Variants in SAMSN1 observed in about 807,000 individuals in gnomAD.
The protein encoded by SAMSN1 is SAM domain-containing protein SAMSN-1.
A neutral mutation model predicts 42.0 loss-of-function variants in SAMSN1; 31 were observed. The observed-to-expected ratio is 0.74, with a 90% CI of 0.55 to 1.00. SAMSN1 has a LOEUF of 1.00. Among genes scored for constraint, SAMSN1 ranks in the 50% least tolerant of loss-of-function variants. SAMSN1 has a pLI of 0.00. For missense variants in SAMSN1, 464 were observed against 439.4 expected (o/e 1.06, Z -0.50); for synonymous variants, 178 against 151.9 (o/e 1.17, Z -1.26).
chr21:14,512,747 T>C (rs577968695), intron 3 of SAMSN1, among the ~76,000 whole-genome samples, 174 bp from the exon 4 acceptor site: 11 of 152,330 alleles, frequency 7.2e-5, no homozygotes, highest in African/African-American at 2.6e-4. Context: ...CCTTTCACAA[T>C]ATACTTGGAA....
intron 5 of SAMSN1, among the ~76,000 whole-genome samples, chr21:14,604,321 C>A (rs1982511475): frequency 6.6e-6 from 1 of 152,104 alleles, no homozygotes; most frequent in South Asian, 2.1e-4. Context: ...GAAATGGAGT[C>A]TAATTCTTCT....
intron 5 of SAMSN1, among the ~76,000 whole-genome samples, chr21:14,502,644 G>A (rs1263910845): frequency 6.6e-6 from 1 of 152,176 alleles, no homozygotes; most frequent in Admixed American, 6.5e-5. Flanking sequence ...ACTATCCTGA[G>A]TCAAACTGTG....
chr21:14,640,262 A>G (rs1983561913), intron 2 of SAMSN1, among the ~76,000 whole-genome samples: 1 of 152,182 alleles, frequency 6.6e-6, no homozygotes. Flanking sequence ...GTGGCAACTG[A>G]CATTATTTTT....
chr21:14,570,164 G>T (rs118187184), intron 2 of SAMSN1, among the ~76,000 whole-genome samples: 2,775 of 152,158 alleles, frequency 0.018, 45 homozygotes, highest in Non-Finnish European at 0.028. Flanking sequence ...TCAGAATGCC[G>T]CAAATCCATT....
chr21:14,625,934 T>C (rs955034821), intron 2 of SAMSN1, among the ~76,000 whole-genome samples: 2 of 152,164 alleles, frequency 1.3e-5, no homozygotes, highest in Non-Finnish European at 2.9e-5. Flanking sequence ...AACAGAGATA[T>C]AGACCAATGG....
At position 14,620,397 on chromosome 21, in the gene SAMSN1, A is replaced by C; in HGVS notation, c.157-4381T>G. Among the ~76,000 whole-genome samples the C allele has an allele frequency of 1.3e-5, 2 of 152,184 alleles. 1 individual carries two copies. Among genetic ancestry groups the C allele is most frequent in the East Asian group, 3.9e-4 (2 of 5,192 alleles). On this transcript the variant is annotated intron_variant, in intron 2 of 15. Coordinates refer to the SAMSN1 transcript ENST00000647101. The stretch of plus-strand genomic sequence containing the variant: ...ACTCTCTCCTGCCACCATGTGAAGA[A>C]GGTACATTCTGCCTACTTCCCCTTC...
chr21:14,637,436 AAC>A (rs1190083708), intron 2 of SAMSN1, among the ~76,000 whole-genome samples: 4 of 152,178 alleles, frequency 2.6e-5, no homozygotes, highest in Non-Finnish European at 5.9e-5. Context: ...CTCTTTTTAA[AAC>A]AGTTTATTTT....
intron 1 of SAMSN1, among the ~76,000 whole-genome samples, chr21:14,534,280 T>C (rs2123107769): frequency 6.6e-6 from 1 of 152,292 alleles, no homozygotes; most frequent in South Asian, 2.1e-4. Context: ...GCCAAAGTGT[T>C]ATAAAAAGCA....
chr21:14,577,765 C>G (rs532928600), intron 2 of SAMSN1, among the ~76,000 whole-genome samples: 1 of 152,322 alleles, frequency 6.6e-6, no homozygotes, highest in Admixed American at 6.5e-5. Context: ...CACCACTCAT[C>G]TCAGATGTTA....
exon 6 of SAMSN1, chr21:14,602,086 A>G (rs61745082): frequency 0.016 from 10,696 of 682,882 alleles, 221 homozygotes; most frequent in South Asian, 0.059. Flanking sequence ...TTAGAAAATC[A>G]TCTTCATTTA....
intron 2 of SAMSN1, among the ~76,000 whole-genome samples, chr21:14,562,299 C>G (rs1980971079): frequency 6.6e-6 from 1 of 152,174 alleles, no homozygotes; most frequent in Non-Finnish European, 1.5e-5. Context: ...TTGTTGATCA[C>G]TAAACTTCCT....
chr21:14,508,166 G>A (rs151055459), intron 5 of SAMSN1, among the ~76,000 whole-genome samples: 4 of 152,102 alleles, frequency 2.6e-5, no homozygotes, highest in African/African-American at 9.7e-5. Context: ...TCATGACCAA[G>A]AACACAAAAG....
At chr21:14,546,723 T>G (rs565218327), upstream of SAMSN1, among the ~76,000 whole-genome samples, 12 of 152,226 alleles carry the variant, frequency 7.9e-5, no homozygotes, top group South Asian at 2.5e-3. Flanking sequence ...ATTTTTTCTT[T>G]TTTTGATACG....
chr21:14,515,003 A>G (rs1987842740), intron 3 of SAMSN1, among the ~76,000 whole-genome samples: 1 of 152,184 alleles, frequency 6.6e-6, no homozygotes, highest in South Asian at 2.1e-4. Flanking sequence ...TCAAGGGATG[A>G]GAAAGAAAGC....
At chr21:14,495,262 A>G (rs1254536834) in intron 7 of SAMSN1, among the ~76,000 whole-genome samples, 1 of 152,224 alleles carries the variant, frequency 6.6e-6, no homozygotes, top group East Asian at 1.9e-4. Context: ...GCATGGTTGT[A>G]GGAGATATGA....
intron 2 of SAMSN1, among the ~76,000 whole-genome samples, chr21:14,641,174 C>T (rs1983589926): frequency 2.0e-5 from 3 of 151,866 alleles, no homozygotes; most frequent in East Asian, 1.9e-4. Context: ...ATATTATTGC[C>T]CCCTCTTATG....
intron 5 of SAMSN1, among the ~76,000 whole-genome samples, chr21:14,510,033 G>C (rs1243082772): frequency 6.6e-6 from 1 of 152,046 alleles, no homozygotes; most frequent in Admixed American, 6.5e-5. Context: ...CAGCTACTCG[G>C]GAGGCTGAGG....
At chr21:14,616,249 G>C (rs113547283) in intron 2 of SAMSN1, among the ~76,000 whole-genome samples, 8 of 151,816 alleles carry the variant, frequency 5.3e-5, no homozygotes, top group African/African-American at 1.4e-4. Context: ...TTGTAACTTT[G>C]AGAAAGGTAG....
intron 2 of SAMSN1, among the ~76,000 whole-genome samples, chr21:14,567,092 G>A (rs1485258995): frequency 1.3e-5 from 2 of 151,832 alleles, no homozygotes; most frequent in Non-Finnish European, 2.9e-5. Context: ...AGGTGCCTTC[G>A]GTCATACAGA....
Sources: allele counts gnomAD v4.1 joint callset (sites outside exome capture counted in the v4.1 genomes callset), GRCh38; gene constraint gnomAD v4.1.1; transcripts MANE v1.5; gene names NCBI Gene and HGNC (gene_info 2026-07-23, HGNC 2026-07-21).